The following NMUR1 variants were observed in gnomAD, a reference collection of about 807,000 sequenced individuals.
The protein encoded by NMUR1 is neuromedin U receptor 1.
A neutral mutation model predicts 18.8 loss-of-function variants in NMUR1; 16 were observed. The observed-to-expected ratio is 0.85, with a 90% CI of 0.58 to 1.29. NMUR1 has a LOEUF of 1.29. Ranked by LOEUF, NMUR1 falls within the 50% of genes most tolerant of loss-of-function variation. The pLI is 0.00. For missense variants in NMUR1, 529 were observed against 580.3 expected (o/e 0.91, Z 0.91); for synonymous variants, 258 against 258.2 (o/e 1.00, Z 0.01).
chr2:231,526,695 G>A (rs531385703), intron 2 of NMUR1, among the ~76,000 whole-genome samples: 3 of 152,278 alleles, frequency 2.0e-5, no homozygotes, highest in East Asian at 1.9e-4. Flanking sequence ...GAGATGGGGC[G>A]GCCCCCAGTT....
Position 231,529,013 on chromosome 2 carries a change from G to A in NMUR1, c.8C>T (p.Pro3Leu), listed in dbSNP as rs760642375. ...GAGGACAGAGCAATTGAGGCAGAGA[G>A]GAGTCTGTGGAACAGAGGGGAGAGA... is the stretch of plus-strand genomic sequence containing the variant. MTPLCLNCSVLPG... is the reference protein window; with the variant it reads MTLLCLNCSVLPG... The change falls in exon 2 of 3, where the codon CCT (proline) becomes CTT (leucine). Residue 3 changes from proline (P) to leucine (L), a missense_variant. By Grantham distance (98) the Pro-to-Leu change is moderately conservative (BLOSUM62 -3). Coordinates refer to ENST00000305141, the MANE Select transcript of NMUR1 (RefSeq NM_006056.5). The A allele has an allele frequency of 6.2e-7, 1 of 1,601,636 alleles. No individual in the cohort carries two copies. The highest frequency in any genetic ancestry group is 8.5e-7 in the Non-Finnish European group (1 of 1,172,084).
downstream of NMUR1, among the ~76,000 whole-genome samples, chr2:231,522,932 G>C (rs2047319814): frequency 6.6e-6 from 1 of 152,188 alleles, no homozygotes; most frequent in South Asian, 2.1e-4. Flanking sequence ...CAGGGACTTA[G>C]TAGGCAGGGG....
chr2:231,528,817 C>G lies in NMUR1; in HGVS notation c.204G>C (p.Leu68=). 1.9e-6 allele frequency: 3 copies of G among 1,614,234 alleles called. No individual in the cohort carries two copies. The highest frequency in any genetic ancestry group is 2.5e-6 in the Non-Finnish European group (3 of 1,180,038). ...CCACAGCGCCCACCACGAAGATCAG[C>G]AGGTATGTGGCACAGATGGGCATGA... is the stretch of plus-strand genomic sequence containing the variant. ...ELFMPICATY[L]LIFVVGAVGN... Residue 68 remains leucine (L), a synonymous_variant, in exon 2 of 3, where the codon CTG becomes CTC. Coordinates refer to ENST00000305141, the MANE Select transcript of NMUR1 (RefSeq NM_006056.5).
At chr2:231,521,315 C>G (rs1241769821), downstream of NMUR1, among the ~76,000 whole-genome samples, 2 of 152,204 alleles carry the variant, frequency 1.3e-5, no homozygotes, top group African/African-American at 2.4e-5. Flanking sequence ...TTGACTGCTG[C>G]AGTGAGTCAT....
intron 1 of NMUR1, 87 bp from the exon 2 acceptor site, chr2:231,529,104 G>A (rs1559171715): frequency 2.4e-6 from 3 of 1,270,670 alleles, no homozygotes; most frequent in East Asian, 5.0e-5. Context: ...GGTGACATTA[G>A]CGCTATGATG....
rs563615519 is a variant in NMUR1 at position 231,524,960 on chromosome 2, T to C, written c.*83A>G. The C allele has an allele frequency of 6.7e-7, 1 of 1,483,404 alleles. No homozygotes were observed. The highest frequency in any genetic ancestry group is 2.3e-5 in the Admixed American group (1 of 43,886). The allele number at this position is 1,483,404 out of a possible 1,614,324, so 91.9% of individuals were successfully genotyped here. On this transcript the variant is annotated 3_prime_UTR_variant, in exon 3 of 3. Transcript: ENST00000305141. Reference sequence around the variant, plus strand: ...GAACTAGGGACAGTACGTGAAGGCATCCCTGCAGAGGAAGGCAGATGTGTC... The same window carrying C: ...GAACTAGGGACAGTACGTGAAGGCACCCCTGCAGAGGAAGGCAGATGTGTC...
chr2:231,522,009 A>C (rs1214690811), downstream of NMUR1, among the ~76,000 whole-genome samples: 1 of 103,772 alleles, frequency 9.6e-6, no homozygotes, highest in African/African-American at 4.0e-5. Flanking sequence ...ACAGGGCCTC[A>C]CTCCAATTTG....
Position 231,528,530 on chromosome 2 carries a change from A to G in NMUR1, c.491T>C (p.Val164Ala), listed in dbSNP as rs1228183112. The change falls in exon 2 of 3, where the codon GTG becomes GCG. Residue 164 changes from valine to alanine, a missense_variant. Val to Ala is a moderately conservative substitution (Grantham distance 64, BLOSUM62 0). Coordinates refer to ENST00000305141, the MANE Select transcript of NMUR1 (RefSeq NM_006056.5). ...ALSVERYVAV[V>A]HPLQARSMVT... is the part of the protein sequence containing the mutation. ...CATGGACCTGGCCTGGAGTGGGTGCACCACGGCCACATAGCGTTCCACGCT... is the reference window on the plus strand; with the variant it reads ...CATGGACCTGGCCTGGAGTGGGTGCGCCACGGCCACATAGCGTTCCACGCT... 2.5e-6 allele frequency: 4 copies of G among 1,613,934 alleles called. No individual in the cohort carries two copies. In the South Asian group the frequency reaches 3.3e-5, roughly 13 times the overall value.
chr2:231,527,733 T>C (rs4973005), intron 2 of NMUR1, among the ~76,000 whole-genome samples: 1,980 of 151,572 alleles, frequency 0.013, 95 homozygotes, highest in Admixed American at 0.086. Context: ...CCACATGCCC[T>C]GCCCTTTCTG....
downstream of NMUR1, among the ~76,000 whole-genome samples, chr2:231,521,973 C>CTTTTTTTTTTTTTTTTT (rs10625236): frequency 1.1e-4 from 9 of 83,826 alleles, no homozygotes; most frequent in Non-Finnish European, 1.7e-4. Context: ...TTTTTTTTCT[C>CTTTTTTTTTTTTTTTTT]TTTTTTTTTT....
At chr2:231,526,260 G>C (rs2047355542) in intron 2 of NMUR1, among the ~76,000 whole-genome samples, 2 of 152,192 alleles carry the variant, frequency 1.3e-5, no homozygotes, top group African/African-American at 4.8e-5. Flanking sequence ...CAACTCACTA[G>C]CTTTCCTGGG....
chr2:231,520,826 A>C (rs1214929100), downstream of NMUR1, among the ~76,000 whole-genome samples: 1 of 152,238 alleles, frequency 6.6e-6, no homozygotes, highest in Admixed American at 6.5e-5. Context: ...ACCTTTGCTG[A>C]GTAGATGCCT....
chr2:231,523,435 A>T lies in NMUR1; in HGVS notation c.*1608T>A. 2 of 333,330 alleles carry T rather than the reference A, an allele frequency of 6.0e-6. No individual in the cohort carries two copies. The highest frequency in any genetic ancestry group is 1.1e-5 in the Non-Finnish European group (2 of 182,122). The allele number at this position is 333,330 out of a possible 1,614,324, so 20.6% of individuals were successfully genotyped here. On this transcript the variant is annotated 3_prime_UTR_variant, in exon 3 of 3. Coordinates refer to ENST00000305141, the MANE Select transcript of NMUR1 (RefSeq NM_006056.5). ...CTTGCCCTTCCCCCATTCCCTGGCA[A>T]GAGAGGTTTTACATTTTTAAAATTG...
At position 231,524,953 on chromosome 2, in the gene NMUR1, GAAGGC is replaced by G. The variant is rs566470875; in HGVS notation, c.*85_*89del. On this transcript the variant is annotated 3_prime_UTR_variant, in exon 3 of 3. Coordinates refer to ENST00000305141, the MANE Select transcript of NMUR1 (RefSeq NM_006056.5). ...CTAGGCTGAACTAGGGACAGTACGT[GAAGGC>G]ATCCCTGCAGAGGAAGGCAGATGTG... is the stretch of plus-strand genomic sequence containing the variant. 15 of 1,469,054 alleles carry G rather than the reference GAAGGC, an allele frequency of 1.0e-5. No individual in the cohort carries two copies. The Admixed American group carries it at 3.4e-4, about 34-fold the overall frequency. 91.0% of individuals were successfully genotyped at this position (1,469,054 alleles called of 1,614,324 possible). A position where few individuals can be genotyped will look rare whatever the true frequency, so the allele number is the denominator to read the frequency against.
In NMUR1 at chr2:231,528,661, C is replaced by T. The variant is rs543836626; in HGVS notation, c.360G>A (p.Glu120=). Residue 120 remains glutamate, a synonymous_variant, in exon 2 of 3, where the codon GAG becomes GAA. Coordinates refer to ENST00000305141, the MANE Select transcript of NMUR1 (RefSeq NM_006056.5). ...LLVGLPLELY[E]MWHNYPFLLG... is the part of the protein sequence containing the mutation. The stretch of plus-strand genomic sequence containing the variant: ...GCAGGAAGGGGTAGTTGTGCCACAT[C>T]TCATAGAGCTCCAGGGGCAGGCCCA... The T allele has an allele frequency of 6.2e-7, 1 of 1,614,256 alleles. No individual in the cohort carries two copies. Among genetic ancestry groups the T allele is most frequent in the African/African-American group, 1.3e-5 (1 of 75,074 alleles).
At chr2:231,520,306 G>A (rs1238216337), downstream of NMUR1, among the ~76,000 whole-genome samples, 5 of 152,372 alleles carry the variant, frequency 3.3e-5, 1 homozygote, top group East Asian at 9.6e-4. Context: ...CGGAACCCAA[G>A]ACAGACTGGG....
downstream of NMUR1, among the ~76,000 whole-genome samples, chr2:231,521,159 T>G (rs1176903202): frequency 6.6e-6 from 1 of 152,152 alleles, no homozygotes; most frequent in Non-Finnish European, 1.5e-5. Context: ...GCAGATTGCT[T>G]GAGCCCAGGA....
intron 2 of NMUR1, among the ~76,000 whole-genome samples, chr2:231,525,643 A>C (rs1268438555): frequency 6.6e-6 from 1 of 152,244 alleles, no homozygotes; most frequent in Non-Finnish European, 1.5e-5. Flanking sequence ...GCAATGGGGC[A>C]TATCCCTGCC....
At chr2:231,523,064 T>G, downstream of NMUR1, 19 of 310,514 alleles carry the variant, frequency 6.1e-5, no homozygotes, top group East Asian at 1.3e-4. Flanking sequence ...AGTGCAAGCG[T>G]GAGCTTGGAT....
Sources: gnomAD v4.1 joint callset for allele counts (sites outside exome capture counted in the v4.1 genomes callset) on GRCh38, gnomAD v4.1.1 for gene constraint, MANE v1.5 for transcripts, NCBI Gene and HGNC (gene_info 2026-07-23, HGNC 2026-07-21) for gene names.